The following FOXP2 variants were observed in gnomAD, a reference collection of about 807,000 sequenced individuals.
FOXP2 encodes forkhead box protein P2.
A neutral mutation model predicts 115.8 loss-of-function variants in FOXP2; 12 were observed. That is an observed-to-expected ratio of 0.10 (90% confidence interval 0.07 to 0.17). The LOEUF (loss-of-function observed/expected upper bound fraction) is 0.17, where lower values mean the gene tolerates loss of function less well. Ranked by LOEUF, FOXP2 falls within the 10% of genes least tolerant of loss-of-function variation. The pLI, the probability that FOXP2 is intolerant of heterozygous loss-of-function variation, is 1.00. For synonymous variants in FOXP2, 328 were observed against 297.7 expected (o/e 1.10, Z -1.05); for missense variants, 629 against 843.5 (o/e 0.75, Z 3.15).
At position 114,691,302 on chromosome 7, in the gene FOXP2, G is replaced by A. The variant is rs759769611; in HGVS notation, c.*1376G>A. The A allele has an allele frequency of 8.8e-6, 4 of 452,804 alleles. No individual in the cohort carries two copies. The highest frequency in any genetic ancestry group is 6.2e-5 in the South Asian group (4 of 64,128). 28.0% of individuals were successfully genotyped at this position (452,804 alleles called of 1,614,324 possible). ...AAAAAGTAGGAACCAAACATAAAAG[G>A]TCTAGTAAAGCCAAAAATTAATTTC... is the stretch of plus-strand genomic sequence containing the variant. On this transcript the variant is annotated 3_prime_UTR_variant, in exon 17 of 17. Transcript: ENST00000350908.
rs771510604 is a variant in FOXP2, at chr7:114,659,541, T to G, written c.1546-31T>G. On this transcript the variant is annotated intron_variant, in intron 12 of 16. Coordinates refer to ENST00000350908, the MANE Select transcript of FOXP2 (RefSeq NM_014491.4). ...CTAGTCTAGTTAGTAAACCATTATTTTATGTCACTATGTATCTTGTCTCAT... is the reference window on the plus strand; with the variant it reads ...CTAGTCTAGTTAGTAAACCATTATTGTATGTCACTATGTATCTTGTCTCAT... 7 of 1,598,388 alleles carry G rather than the reference T, an allele frequency of 4.4e-6. No individual in the cohort carries two copies. In the Admixed American group the frequency reaches 1.2e-4, roughly 27 times the overall value.
At chr7:114,101,688 C>T (rs1486323276) in intron 1 of FOXP2, among the ~76,000 whole-genome samples, 4 of 151,778 alleles carry the variant, frequency 2.6e-5, no homozygotes, top group African/African-American at 2.4e-5. Flanking sequence ...GAACATTTGC[C>T]CTTCTTATGT....
At chr7:114,141,984 C>T (rs555747083) in intron 1 of FOXP2, among the ~76,000 whole-genome samples, 8 of 152,172 alleles carry the variant, frequency 5.3e-5, no homozygotes, top group East Asian at 1.9e-4. Flanking sequence ...ACTGCTATGC[C>T]TCAGTAATCT....
rs78784057 is a variant in FOXP2, at chr7:114,472,195, C to G, written c.168+45516C>G. Among the ~76,000 whole-genome samples, 843 of 151,800 alleles carry G rather than the reference C, an allele frequency of 5.6e-3. 5 individuals carry two copies. The highest frequency in any genetic ancestry group is 0.019 in the African/African-American group (804 of 41,386). On this transcript the variant is annotated intron_variant, in intron 2 of 16. Transcript: ENST00000350908. ...GCATGGAGTTTAAAGATAGATGAAG[C>G]CCCTTGAACTTTTAAAGTTAAAAAA...
chr7:114,548,178 A>G (rs187307285), intron 3 of FOXP2, among the ~76,000 whole-genome samples: 2 of 152,358 alleles, frequency 1.3e-5, no homozygotes, highest in Non-Finnish European at 2.9e-5. Flanking sequence ...GGGAATGACA[A>G]AACAGAAAGG....
At chr7:114,450,384 A>C (rs1488744654) in intron 2 of FOXP2, among the ~76,000 whole-genome samples, 1 of 152,096 alleles carries the variant, frequency 6.6e-6, no homozygotes, top group East Asian at 1.9e-4. Context: ...TAGTATGACA[A>C]GTTTTTTGGA....
At chr7:114,093,589 C>T (rs1458287233) in intron 1 of FOXP2, among the ~76,000 whole-genome samples, 1 of 151,604 alleles carries the variant, frequency 6.6e-6, no homozygotes, top group African/African-American at 2.4e-5. Context: ...AAGTTACTTC[C>T]ATCTATATCA....
intron 3 of FOXP2, among the ~76,000 whole-genome samples, chr7:114,623,979 A>C (rs919399451): frequency 2.0e-5 from 3 of 151,892 alleles, no homozygotes; most frequent in Non-Finnish European, 4.4e-5. Flanking sequence ...AATACCACTC[A>C]ATTCATTGTC....
chr7:114,177,582 T>G (rs188027984), intron 1 of FOXP2, among the ~76,000 whole-genome samples: 10 of 152,176 alleles, frequency 6.6e-5, no homozygotes, highest in African/African-American at 2.4e-4. Context: ...TTATATATGG[T>G]TTTGTGCATC....
chr7:114,581,088 C>CACACAT (rs1216059811), intron 3 of FOXP2, among the ~76,000 whole-genome samples: 3 of 151,358 alleles, frequency 2.0e-5, no homozygotes, highest in Non-Finnish European at 2.9e-5. Context: ...CACACACACA[C>CACACAT]ACACACACAC....
intron 9 of FOXP2, among the ~76,000 whole-genome samples, chr7:114,652,575 A>G (rs1382576986): frequency 2.0e-5 from 3 of 152,254 alleles, no homozygotes; most frequent in East Asian, 1.9e-4. Context: ...TTCCCAATGC[A>G]GGTTAGACCA....
At chr7:114,303,916 T>C (rs1171944383) in intron 2 of FOXP2, among the ~76,000 whole-genome samples, 4 of 152,128 alleles carry the variant, frequency 2.6e-5, no homozygotes, top group Admixed American at 2.0e-4. Context: ...TTTCACATTT[T>C]ATGGCTGCAG....
chr7:114,662,251 T>G, intron 14 of FOXP2, 65 bp downstream of exon 14: 1 of 1,604,516 alleles, frequency 6.2e-7, no homozygotes, highest in South Asian at 1.1e-5. Context: ...ATACTTTAAG[T>G]TGGGGCTGGG....
chr7:114,410,130 A>G (rs1179347853), upstream of FOXP2, among the ~76,000 whole-genome samples: 2 of 152,106 alleles, frequency 1.3e-5, no homozygotes, highest in African/African-American at 2.4e-5. Flanking sequence ...CTCAGCTATT[A>G]TCTTTCCTAG....
chr7:114,310,848 A>G (rs6947140), intron 2 of FOXP2, among the ~76,000 whole-genome samples: 85,024 of 151,952 alleles, frequency 0.56, 26,747 homozygotes, highest in Admixed American at 0.74. Flanking sequence ...AAAGCTCTCT[A>G]GCAGAAATGA....
intron 2 of FOXP2, among the ~76,000 whole-genome samples, chr7:114,307,477 T>C (rs1210186518): frequency 1.3e-5 from 2 of 152,090 alleles, no homozygotes; most frequent in Non-Finnish European, 2.9e-5. Flanking sequence ...GGGAAACAGG[T>C]GGACCAAAAA....
At chr7:114,306,913 A>G (rs1797027944) in intron 2 of FOXP2, among the ~76,000 whole-genome samples, 1 of 152,028 alleles carries the variant, frequency 6.6e-6, no homozygotes, top group Non-Finnish European at 1.5e-5. Context: ...TCCTCTGCCT[A>G]CCTCTTCCAC....
chr7:114,364,193 T>C (rs1791821359), intron 2 of FOXP2, among the ~76,000 whole-genome samples: 1 of 152,182 alleles, frequency 6.6e-6, no homozygotes, highest in South Asian at 2.1e-4. Flanking sequence ...TTGGTGACAG[T>C]GTTTCGGCTT....
At chr7:114,203,465 T>C (rs1794124250) in intron 1 of FOXP2, among the ~76,000 whole-genome samples, 1 of 152,198 alleles carries the variant, frequency 6.6e-6, no homozygotes, top group Non-Finnish European at 1.5e-5. Context: ...GCTTAGTAGC[T>C]AGGACTACAA....
Sources: allele counts gnomAD v4.1 joint callset (sites outside exome capture counted in the v4.1 genomes callset), GRCh38; gene constraint gnomAD v4.1.1; transcripts MANE v1.5; gene names NCBI Gene and HGNC (gene_info 2026-07-23, HGNC 2026-07-21).